The following KIF27 variants were observed in gnomAD, a reference collection of about 807,000 sequenced individuals.
The protein encoded by KIF27 is kinesin family member 27.
Under a neutral mutation model 141.8 loss-of-function variants are expected in KIF27, and 84 were observed. The ratio of observed to expected loss-of-function variants is 0.59; its 90% confidence interval spans 0.50 to 0.71. The LOEUF (loss-of-function observed/expected upper bound fraction) is 0.71, where lower values mean the gene tolerates loss of function less well. KIF27 is among the 30% of genes least tolerant of loss of function. The pLI, the probability that KIF27 is intolerant of heterozygous loss-of-function variation, is 0.00. For missense variants in KIF27, 1,306 were observed against 1,628.4 expected (o/e 0.80, Z 3.41); for synonymous variants, 471 against 569.5 (o/e 0.83, Z 2.46).
Position 83,848,153 on chromosome 9 carries a change from A to C in KIF27, c.3556+1946T>G, listed in dbSNP as rs186780106. Among the ~76,000 whole-genome samples, 1,188 of 59,702 alleles carry C rather than the reference A, an allele frequency of 0.02. 372 individuals are homozygous for C. The East Asian group carries it at 0.27, about 13-fold the overall frequency. The allele number at this position is 59,702 out of a possible 152,430, so 39.2% of individuals were successfully genotyped here. On this transcript the variant is annotated intron_variant, in intron 16 of 17. Coordinates refer to ENST00000297814, the MANE Select transcript of KIF27 (RefSeq NM_017576.4). The stretch of plus-strand genomic sequence containing the variant: ...ATCTCATATATGATATATCTGATAT[A>C]TCATATATGATATATCTGATATATC...
At chr9:83,904,535 A>AT (rs1021024660) in intron 3 of KIF27, among the ~76,000 whole-genome samples, 1 of 152,042 alleles carries the variant, frequency 6.6e-6, no homozygotes, top group African/African-American at 2.4e-5. Context: ...CACCTGGCTA[A>AT]TTTTTTTGTA....
chr9:83,874,619 G>T (rs1951061559), intron 11 of KIF27, among the ~76,000 whole-genome samples: 1 of 152,108 alleles, frequency 6.6e-6, no homozygotes, highest in Admixed American at 6.6e-5. Flanking sequence ...TAAAATTAGA[G>T]ATGTGGCAAG....
At position 83,903,616 on chromosome 9, in the gene KIF27, A is replaced by G. The variant is rs750448963; in HGVS notation, c.902T>C (p.Leu301Pro). The G allele has an allele frequency of 2.5e-6, 4 of 1,614,042 alleles. No homozygotes were observed. Among genetic ancestry groups the G allele is most frequent in the East Asian group, 4.5e-5 (2 of 44,904 alleles). ...IPYRDAKITR[L>P]LKDSLGGSAK... ...ACTGCCTCCCAGAGAATCTTTCAGA[A>G]GCCGGGTAATTTTAGCATCCCTATA... Residue 301 changes from leucine to proline, a missense_variant, in exon 4 of 18, where the codon CTT becomes CCT. By Grantham distance (98) the Leu-to-Pro change is moderately conservative. This residue lies in a region of KIF27 where 533 missense variants were observed against 565.6 expected (regional missense o/e 0.94). Transcript: ENST00000297814.
At position 83,850,262 on chromosome 9, in the gene KIF27, C is replaced by T. The variant is rs1243971772; in HGVS notation, c.3393G>A (p.Gln1131=). Residue 1131 remains glutamine (Q), a synonymous_variant, in exon 16 of 18, where the codon CAG becomes CAA. Coordinates refer to ENST00000297814, the MANE Select transcript of KIF27 (RefSeq NM_017576.4). ...TCATTTTCATTTCTTCATTATATAACTGTTGTTTCCGTTCAGCTTCTCGCA... is the reference window on the plus strand; with the variant it reads ...TCATTTTCATTTCTTCATTATATAATTGTTGTTTCCGTTCAGCTTCTCGCA... ...VNLREAERKQ[Q]LYNEEMKMKV... is the part of the protein sequence containing the mutation. The T allele has an allele frequency of 7.4e-6, 12 of 1,613,752 alleles. No individual in the cohort carries two copies. Among genetic ancestry groups the T allele is most frequent in the East Asian group, 2.2e-5 (1 of 44,896 alleles).
In KIF27 at chr9:83,834,775, ATATATC is replaced by A. The variant is rs1210352066; in HGVS notation, c.*2220_*2225del. ...AAGGGCACTGACCTTTGGCCATTAT[ATATATC>A]TATATCTATGTATATATACAAGTGT... On this transcript the variant is annotated 3_prime_UTR_variant, in exon 18 of 18. Transcript: ENST00000297814. Among the ~76,000 whole-genome samples the A allele has an allele frequency of 2.7e-5, 4 of 150,816 alleles. No individual in the cohort carries two copies. In the South Asian group the frequency reaches 6.2e-4, roughly 24 times the overall value.
intron 13 of KIF27, among the ~76,000 whole-genome samples, chr9:83,863,199 C>T (rs62561949): frequency 6.6e-6 from 1 of 152,022 alleles, no homozygotes; most frequent in African/African-American, 2.4e-5. Context: ...CTGGCCAGAA[C>T]TTCCAACACT....
At chr9:83,898,954 TCAAAA>T (rs1953556748) in intron 5 of KIF27, 1 of 152,138 alleles carries the variant, frequency 6.6e-6, no homozygotes, top group South Asian at 2.1e-4. Context: ...AGATCCTGTC[TCAAAA>T]CAAACAAAAC....
At chr9:83,859,001 G>T in intron 14 of KIF27, 155 bp downstream of exon 14, 1 of 648,516 alleles carries the variant, frequency 1.5e-6, no homozygotes. Context: ...GTGGTTTATG[G>T]TGCCAAATAA....
intron 12 of KIF27, among the ~76,000 whole-genome samples, chr9:83,868,990 G>A (rs1429499357): frequency 6.6e-6 from 1 of 151,716 alleles, no homozygotes; most frequent in Non-Finnish European, 1.5e-5. Flanking sequence ...GGAGATCCTA[G>A]GAAGTCTAGC....
In KIF27 at chr9:83,848,124, T is replaced by A. The variant is rs1390505044; in HGVS notation, c.3556+1975A>T. Among the ~76,000 whole-genome samples, 4 of 64,686 alleles carry A rather than the reference T, an allele frequency of 6.2e-5. 1 individual carries two copies. Among genetic ancestry groups the A allele is most frequent in the African/African-American group, 9.7e-5 (1 of 10,346 alleles). 42.4% of individuals were successfully genotyped at this position (64,686 alleles called of 152,430 possible). On this transcript the variant is annotated intron_variant, in intron 16 of 17. Coordinates refer to ENST00000297814, the MANE Select transcript of KIF27 (RefSeq NM_017576.4). ...TATGATATCTCATATCTGATATATC[T>A]GATATCTCATATATGATATATCTGA... is the stretch of plus-strand genomic sequence containing the variant.
chr9:83,918,703 G>A (rs1363993149), intron 1 of KIF27, among the ~76,000 whole-genome samples: 2 of 152,136 alleles, frequency 1.3e-5, no homozygotes, highest in East Asian at 3.9e-4. Context: ...AATTTTAGGA[G>A]ACTGAGGTGG....
intron 11 of KIF27, among the ~76,000 whole-genome samples, chr9:83,874,923 G>T (rs1221496057): frequency 9.0e-6 from 1 of 111,350 alleles, no homozygotes; most frequent in African/African-American, 3.8e-5. Flanking sequence ...GACAGAGCAA[G>T]ACCTTGTCTC....
intron 14 of KIF27, among the ~76,000 whole-genome samples, chr9:83,857,526 T>C (rs1049173745): frequency 2.0e-5 from 3 of 152,162 alleles, no homozygotes; most frequent in Admixed American, 6.5e-5. Context: ...AGCCGCAAAA[T>C]AGGTATCATG....
At chr9:83,844,959 G>A (rs1256100725) in intron 16 of KIF27, among the ~76,000 whole-genome samples, 1 of 152,206 alleles carries the variant, frequency 6.6e-6, no homozygotes, top group African/African-American at 2.4e-5. Context: ...TTTATTGAGT[G>A]ACCTGAAAGG....
At chr9:83,916,906 G>A (rs1318151488) in intron 1 of KIF27, among the ~76,000 whole-genome samples, 4 of 151,908 alleles carry the variant, frequency 2.6e-5, no homozygotes, top group African/African-American at 7.3e-5. Flanking sequence ...CTCGTGATGC[G>A]CCTGTCTTGG....
At chr9:83,862,764 G>A (rs1396873497) in intron 13 of KIF27, among the ~76,000 whole-genome samples, 1 of 152,070 alleles carries the variant, frequency 6.6e-6, no homozygotes, top group Non-Finnish European at 1.5e-5. Flanking sequence ...ATTACCTTGG[G>A]CAGTATGGCC....
Position 83,850,298 on chromosome 9 carries a change from C to A in KIF27, c.3358-1G>T, listed in dbSNP as rs1948395434. On this transcript the variant is annotated splice_acceptor_variant, in intron 15 of 17. Coordinates refer to ENST00000297814, the MANE Select transcript of KIF27 (RefSeq NM_017576.4). LOFTEE classifies it high-confidence loss of function. The stretch of plus-strand genomic sequence containing the variant: ...GTTCAGCTTCTCGCAAATTCACCAC[C>A]TAACAAATACATATTTTGACCTGTT... The A allele has an allele frequency of 1.9e-6, 3 of 1,604,098 alleles. No individual in the cohort carries two copies. The East Asian group carries it at 6.7e-5, about 36-fold the overall frequency.
intron 13 of KIF27, among the ~76,000 whole-genome samples, chr9:83,865,306 CT>C (rs1009789424): frequency 1.3e-5 from 2 of 151,576 alleles, no homozygotes; most frequent in Non-Finnish European, 2.9e-5. Context: ...TCCTCTGACC[CT>C]TTTTTTTGAG....
At chr9:83,839,340 G>A (rs571120779) in intron 17 of KIF27, among the ~76,000 whole-genome samples, 1 of 152,278 alleles carries the variant, frequency 6.6e-6, no homozygotes, top group Non-Finnish European at 1.5e-5. Flanking sequence ...GAACCGACTA[G>A]GGAAAGATTA....
Sources: gnomAD v4.1 joint callset for allele counts (sites outside exome capture counted in the v4.1 genomes callset) on GRCh38, gnomAD v4.1.1 for gene constraint, gnomAD v4.1.1 regional missense constraint, MANE v1.5 for transcripts, NCBI Gene and HGNC (gene_info 2026-07-23, HGNC 2026-07-21) for gene names.